CERT1: variants seen among roughly 807,000 people sequenced by gnomAD.
CERT1 encodes the protein ceramide transporter 1.
In CERT1, 31 loss-of-function variants were observed where a neutral mutation model predicts 87.9. The ratio of observed to expected loss-of-function variants is 0.35; its 90% CI spans 0.27 to 0.48. The LOEUF is 0.48. Among genes scored for constraint, CERT1 ranks in the 20% least tolerant of loss-of-function variants. CERT1 has a pLI of 0.99. For synonymous variants in CERT1, 289 were observed against 250.9 expected, an observed-to-expected ratio of 1.15 and a Z score of -1.44; for missense variants, 487 against 758.0, an observed-to-expected ratio of 0.64 and a Z score of 4.20.
intron 2 of CERT1, among the ~76,000 whole-genome samples, chr5:75,467,641 CAAAAAAAAGAAAAAAAAA>C (rs1210962137): frequency 2.0e-5 from 1 of 49,944 alleles, no homozygotes; most frequent in Non-Finnish European, 4.3e-5. Flanking sequence ...ACTCTGTCTC[CAAAAAAAAGAAAAAAAAA>C]AAAAAAAAGT....
chr5:75,445,904 T>C (rs1764514671), intron 3 of CERT1, among the ~76,000 whole-genome samples: 1 of 152,208 alleles, frequency 6.6e-6, no homozygotes, highest in Non-Finnish European at 1.5e-5. Flanking sequence ...GTTAATTATA[T>C]TGAGGATTCC....
chr5:75,472,634 CAT>C (rs1213578326), intron 2 of CERT1, among the ~76,000 whole-genome samples: 7 of 151,978 alleles, frequency 4.6e-5, no homozygotes, highest in East Asian at 1.9e-4. Context: ...CAGAAGAAAA[CAT>C]ATAAATTGTC....
intron 11 of CERT1, among the ~76,000 whole-genome samples, chr5:75,394,646 G>A (rs1044282328): frequency 3.9e-5 from 6 of 152,128 alleles, no homozygotes; most frequent in Non-Finnish European, 8.8e-5. Context: ...GATCGCTTGA[G>A]TCCAGGAGGT....
Position 75,511,528 on chromosome 5 carries a change from G to A in CERT1, c.-321C>T. The A allele has an allele frequency of 2.0e-6, 3 of 1,466,562 alleles. No homozygotes were observed. The highest frequency in any genetic ancestry group is 1.8e-6 in the Non-Finnish European group (2 of 1,110,634). 90.8% of individuals were successfully genotyped at this position (1,466,562 alleles called of 1,614,324 possible). ...CCCCTCGATGCCAATTTCAAATAGGGAAGGAAAAGGGAAAAGAAGGGAAGA... is the reference window on the plus strand; with the variant it reads ...CCCCTCGATGCCAATTTCAAATAGGAAAGGAAAAGGGAAAAGAAGGGAAGA... On this transcript the variant is annotated 5_prime_UTR_variant, in exon 1 of 17. Transcript: ENST00000643780.
intron 2 of CERT1, among the ~76,000 whole-genome samples, chr5:75,471,790 CTGA>C (rs1214517962): frequency 6.7e-6 from 1 of 150,012 alleles, no homozygotes; most frequent in Non-Finnish European, 1.5e-5. Context: ...AGGTGGTAGG[CTGA>C]TGACTGAAAC....
In CERT1 at chr5:75,428,896, T is replaced by C. The variant is rs886523106; in HGVS notation, c.349-2418A>G. 3.9e-5 allele frequency among the ~76,000 whole-genome samples: 6 copies of C among 152,120 alleles called. No individual in the cohort carries two copies. In the South Asian group the frequency reaches 6.2e-4, roughly 16 times the overall value. On this transcript the variant is annotated intron_variant, in intron 3 of 16. Coordinates refer to ENST00000643780, the MANE Select transcript of CERT1 (RefSeq NM_001379029.1). ...TGTCCTATTATCTCTTCAAGGTAGATTGGCTTTACATTTGTATGATAATTA... is the reference window on the plus strand; with the variant it reads ...TGTCCTATTATCTCTTCAAGGTAGACTGGCTTTACATTTGTATGATAATTA...
intron 2 of CERT1, among the ~76,000 whole-genome samples, chr5:75,502,884 G>A (rs186470858): frequency 1.5e-3 from 222 of 152,022 alleles, no homozygotes; most frequent in Non-Finnish European, 2.6e-3. Context: ...GCAGGGGCTG[G>A]GTCTTCTAAG....
intron 3 of CERT1, among the ~76,000 whole-genome samples, chr5:75,435,588 A>G (rs762804648): frequency 2.0e-5 from 3 of 151,972 alleles, no homozygotes; most frequent in Non-Finnish European, 4.4e-5. Context: ...TGTCTTTTGG[A>G]TAGGGCTTTC....
At chr5:75,401,527 A>C (rs1362892366) in intron 9 of CERT1, 1 of 152,136 alleles carries the variant, frequency 6.6e-6, no homozygotes, top group Non-Finnish European at 1.5e-5. Flanking sequence ...CCTAGACAAA[A>C]AACTAAGGGA....
intron 2 of CERT1, among the ~76,000 whole-genome samples, chr5:75,503,904 A>ATTAAACATTTAAATT (rs1324645059): frequency 1.7e-4 from 5 of 29,486 alleles, no homozygotes; most frequent in African/African-American, 5.3e-4. Flanking sequence ...TTTAAATTAA[A>ATTAAACATTTAAATT]TGTTTAATTT....
At chr5:75,469,441 G>T (rs950643492) in intron 2 of CERT1, among the ~76,000 whole-genome samples, 11 of 151,868 alleles carry the variant, frequency 7.2e-5, no homozygotes, top group Non-Finnish European at 1.6e-4. Context: ...TTCAAAATTT[G>T]GTAAAGAATA....
At chr5:75,493,165 C>A (rs1261772137) in intron 2 of CERT1, among the ~76,000 whole-genome samples, 1 of 152,166 alleles carries the variant, frequency 6.6e-6, no homozygotes, top group Non-Finnish European at 1.5e-5. Context: ...AAAAATTTCA[C>A]ATATATGCAA....
At position 75,371,859 on chromosome 5, in the gene CERT1, A is replaced by G. The variant is rs1761095885; in HGVS notation, c.*10-3201T>C. The G allele has an allele frequency of 2.0e-5, 3 of 152,354 alleles. No individual in the cohort carries two copies. The South Asian group carries it at 6.2e-4, about 32-fold the overall frequency. 9.4% of individuals were successfully genotyped at this position (152,354 alleles called of 1,614,324 possible). A position where few individuals can be genotyped will look rare whatever the true frequency, so the allele number is the denominator to read the frequency against. Reference sequence around the variant, plus strand: ...GGATGTAGGAATCAGCTTAATGAAAATAATTGTAGAGGGTCTAAATGTTGT... The same window carrying G: ...GGATGTAGGAATCAGCTTAATGAAAGTAATTGTAGAGGGTCTAAATGTTGT... On this transcript the variant is annotated intron_variant, in intron 17 of 17. Transcript: ENST00000261415.
chr5:75,377,014 T>A (rs1761343217), downstream of CERT1: 2 of 152,196 alleles, frequency 1.3e-5, no homozygotes, highest in Non-Finnish European at 2.9e-5. Flanking sequence ...TAGGTGAGAA[T>A]GAGAGAATAT....
In CERT1 at chr5:75,382,858, G is replaced by C. The variant is rs1306825763; in HGVS notation, c.1489-781C>G. Among the ~76,000 whole-genome samples the C allele has an allele frequency of 2.0e-5, 3 of 151,862 alleles. No individual in the cohort carries two copies. In the East Asian group the frequency reaches 5.8e-4, roughly 29 times the overall value. ...ATGTAGTTGATAAATATAGTGTTGG[G>C]TAAATTGTGTGGAGACAGTAAGTAA... is the stretch of plus-strand genomic sequence containing the variant. On this transcript the variant is annotated intron_variant, in intron 14 of 16. Transcript: ENST00000643780.
intron 2 of CERT1, among the ~76,000 whole-genome samples, chr5:75,503,855 ATTAAACATTTAAATTTTT>A: frequency 2.0e-5 from 3 of 146,880 alleles, no homozygotes; most frequent in African/African-American, 2.5e-5. Flanking sequence ...TTTAATTTAA[ATTAAACATTTAAATTTTT>A]TGTTTAATTT....
Position 75,411,117 on chromosome 5 carries a change from G to A in CERT1, c.838-14C>T, listed in dbSNP as rs1235460978. On this transcript the variant is annotated splice_polypyrimidine_tract_variant and intron_variant, in intron 7 of 16. Coordinates refer to ENST00000643780, the MANE Select transcript of CERT1 (RefSeq NM_001379029.1). ...CTTCTCAGTTTCCTATTAAAAAGAAGTGAAAAATCTGTAATTTGAGGCAGG... is the reference window on the plus strand; with the variant it reads ...CTTCTCAGTTTCCTATTAAAAAGAAATGAAAAATCTGTAATTTGAGGCAGG... 7.0e-7 allele frequency: 1 copy of A among 1,426,616 alleles called. No homozygotes were observed. Among genetic ancestry groups the A allele is most frequent in the Admixed American group, 2.0e-5 (1 of 49,046 alleles). 88.4% of individuals were successfully genotyped at this position (1,426,616 alleles called of 1,614,324 possible).
At chr5:75,380,777 CAAAAAAAAA>C (rs35083616) in intron 16 of CERT1, among the ~76,000 whole-genome samples, 4 of 53,380 alleles carry the variant, frequency 7.5e-5, no homozygotes, top group Admixed American at 2.2e-4. Flanking sequence ...GACTCCATCT[CAAAAAAAAA>C]AAAAAAAAAA....
At chr5:75,400,090 C>A in intron 10 of CERT1, 115 bp downstream of exon 10, 3 of 736,926 alleles carry the variant, frequency 4.1e-6, no homozygotes, top group Non-Finnish European at 6.8e-6. Context: ...CGAGATCGCG[C>A]CACTGCACTC....
Sources: gnomAD v4.1 joint callset for allele counts (sites outside exome capture counted in the v4.1 genomes callset) on GRCh38, gnomAD v4.1.1 for gene constraint, MANE v1.5 for transcripts, NCBI Gene and HGNC (gene_info 2026-07-23, HGNC 2026-07-21) for gene names.